Variants in SLCO3A1 observed in about 807,000 individuals in gnomAD.
SLCO3A1 encodes the protein PGE1 transporter.
In SLCO3A1, 27 loss-of-function variants were observed where a neutral mutation model predicts 63.1. The ratio of observed to expected loss-of-function variants is 0.43; its 90% CI spans 0.32 to 0.59. SLCO3A1 has a LOEUF of 0.59. Ranked by LOEUF, SLCO3A1 falls within the 20% of genes least tolerant of loss-of-function variation. SLCO3A1 has a pLI of 0.09. For synonymous variants in SLCO3A1, 473 were observed against 409.9 expected (o/e 1.15, Z -1.86); for missense variants, 773 against 945.8 (o/e 0.82, Z 2.40).
At chr15:92,147,365 G>A (rs1463200362) in intron 8 of SLCO3A1, among the ~76,000 whole-genome samples, 2 of 152,076 alleles carry the variant, frequency 1.3e-5, no homozygotes, top group Non-Finnish European at 2.9e-5. Flanking sequence ...GGGCATGGGG[G>A]AGAAGACAGC....
chr15:92,095,579 C>A (rs1381772503), intron 3 of SLCO3A1, among the ~76,000 whole-genome samples: 1 of 152,216 alleles, frequency 6.6e-6, no homozygotes, highest in Non-Finnish European at 1.5e-5. Flanking sequence ...CTGAGTTCCC[C>A]AATCCATGAT....
intron 7 of SLCO3A1, among the ~76,000 whole-genome samples, chr15:92,130,518 CCAA>C (rs1452606792): frequency 6.6e-6 from 1 of 152,178 alleles, no homozygotes; most frequent in Non-Finnish European, 1.5e-5. Flanking sequence ...GCCCTGGCTT[CCAA>C]CAAGTGGATG....
At chr15:92,138,271 G>A (rs2151578262) in intron 7 of SLCO3A1, among the ~76,000 whole-genome samples, 1 of 91,230 alleles carries the variant, frequency 1.1e-5, no homozygotes. Context: ...GTTTGTCAAA[G>A]ATCAGATAGT....
intron 2 of SLCO3A1, among the ~76,000 whole-genome samples, chr15:92,022,607 A>C (rs1257487709): frequency 6.6e-6 from 1 of 152,238 alleles, no homozygotes; most frequent in Non-Finnish European, 1.5e-5. Flanking sequence ...TTCACCCATC[A>C]GCTGTTTACT....
chr15:91,884,530 A>T (rs1048595252), intron 1 of SLCO3A1, among the ~76,000 whole-genome samples: 4 of 149,504 alleles, frequency 2.7e-5, no homozygotes, highest in African/African-American at 9.8e-5. Context: ...AAAAAAAAAA[A>T]GGTGGAGGGG....
At chr15:92,000,576 C>T (rs1279390124) in intron 2 of SLCO3A1, among the ~76,000 whole-genome samples, 1 of 151,988 alleles carries the variant, frequency 6.6e-6, no homozygotes, top group Non-Finnish European at 1.5e-5. Context: ...GACCTAAAGG[C>T]AATGTCACAG....
rs1457733435 is a variant in SLCO3A1, at chr15:91,862,039, G to T, written c.180+7951G>T. Among the ~76,000 whole-genome samples the T allele has an allele frequency of 6.6e-6, 1 of 152,110 alleles. No homozygotes were observed. The highest frequency in any genetic ancestry group is 2.4e-5 in the African/African-American group (1 of 41,398). ...CATGATTTCCTTTATAAATACCCCT[G>T]CCATGACTTTTCAGTACTCTCCTTT... On this transcript the variant is annotated intron_variant, in intron 1 of 9. Transcript: ENST00000318445. This position sits in a 1 kb window ranked among gnomAD's most constrained non-coding sequence, Gnocchi z 4.0.
chr15:92,171,921 CG>C lies in SLCO3A1; in HGVS notation c.*62del, dbSNP rs2048523906. 1.1e-5 allele frequency: 15 copies of C among 1,321,568 alleles called. No individual in the cohort carries two copies. The Admixed American group carries it at 2.6e-4, about 23-fold the overall frequency. 81.9% of individuals were successfully genotyped at this position (1,321,568 alleles called of 1,614,324 possible). On this transcript the variant is annotated 3_prime_UTR_variant, in exon 11 of 11. Transcript: ENST00000424469. ...AGCCCACCACCACCCACAGACCTCG[CG>C]GGCCTCACTTAGCGCGCTCCTCCCT...
At position 92,142,024 on chromosome 15, in the gene SLCO3A1, A is replaced by G. The variant is rs552157445; in HGVS notation, c.1513-4960A>G. On this transcript the variant is annotated intron_variant, in intron 7 of 9. Coordinates refer to ENST00000318445, the MANE Select transcript of SLCO3A1 (RefSeq NM_013272.4). ...AGGAAACCCATCCAAGTCCTTGCAC[A>G]GATCACTCTGGCATCTCCTACCCAG... Among the ~76,000 whole-genome samples the G allele has an allele frequency of 2.0e-5, 3 of 152,204 alleles. No homozygotes were observed. The South Asian group carries it at 6.2e-4, about 32-fold the overall frequency.
intron 2 of SLCO3A1, among the ~76,000 whole-genome samples, chr15:91,930,955 T>A (rs1899204858): frequency 6.6e-6 from 1 of 152,224 alleles, no homozygotes. Context: ...CACAGCAAAG[T>A]GTACCAGCGA....
intron 8 of SLCO3A1, among the ~76,000 whole-genome samples, chr15:92,150,347 G>A (rs960733495): frequency 1.3e-5 from 2 of 152,078 alleles, no homozygotes; most frequent in Non-Finnish European, 2.9e-5. Context: ...ATCTCCTGTG[G>A]CAACACCCTC....
Position 91,853,907 on chromosome 15 carries a change from G to A in SLCO3A1, c.-2G>A, listed in dbSNP as rs1896842130. ...GGCGGCGGCGGCGGCGGCGGGGGAA[G>A]GATGCAGGGGAAGAAGCCGGGCGGT... On this transcript the variant is annotated 5_prime_UTR_variant, in exon 1 of 10. Coordinates refer to ENST00000318445, the MANE Select transcript of SLCO3A1 (RefSeq NM_013272.4). 3 of 1,396,720 alleles carry A rather than the reference G, an allele frequency of 2.1e-6. No individual in the cohort carries two copies. The highest frequency in any genetic ancestry group is 1.9e-6 in the Non-Finnish European group (2 of 1,065,056). The allele number at this position is 1,396,720 out of a possible 1,614,324, so 86.5% of individuals were successfully genotyped here.
chr15:91,999,757 C>T (rs2046231497), intron 2 of SLCO3A1, among the ~76,000 whole-genome samples: 1 of 152,216 alleles, frequency 6.6e-6, no homozygotes, highest in Non-Finnish European at 1.5e-5. Context: ...CTCCACTGCA[C>T]TCTAGCTGGG....
chr15:92,157,735 A>G (rs2048389901), intron 9 of SLCO3A1, among the ~76,000 whole-genome samples: 1 of 152,154 alleles, frequency 6.6e-6, no homozygotes, highest in Non-Finnish European at 1.5e-5. Context: ...CATTTACCCA[A>G]AAGAGTTCCT....
Position 92,123,853 on chromosome 15 carries a change from A to G in SLCO3A1, c.1175-2208A>G, listed in dbSNP as rs115597723. On this transcript the variant is annotated intron_variant, in intron 5 of 9. Coordinates refer to ENST00000318445, the MANE Select transcript of SLCO3A1 (RefSeq NM_013272.4). ...ATCGACAAACAAATCAATAGTCTTC[A>G]GGGCAGAAGGTCAAAAAAACAATTC... 2.6e-4 allele frequency among the ~76,000 whole-genome samples: 40 copies of G among 152,344 alleles called. 1 individual carries two copies. Among genetic ancestry groups the G allele is most frequent in the African/African-American group, 8.9e-4 (37 of 41,590 alleles).
In SLCO3A1 at chr15:92,132,387, C is replaced by A. The variant is rs539483597; in HGVS notation, c.1512+3898C>A. 6.3e-5 allele frequency among the ~76,000 whole-genome samples: 9 copies of A among 142,622 alleles called. 1 individual carries two copies. Among genetic ancestry groups the A allele is most frequent in the African/African-American group, 2.0e-4 (8 of 39,446 alleles). 93.6% of individuals were successfully genotyped at this position (142,622 alleles called of 152,430 possible). A position where few individuals can be genotyped will look rare whatever the true frequency, so the allele number is the denominator to read the frequency against. ...CCTTGAGTGATAGCAATGGAAGTTT[C>A]CAGGCCTGCATTTAATGTACGACTT... On this transcript the variant is annotated intron_variant, in intron 7 of 9. Coordinates refer to ENST00000318445, the MANE Select transcript of SLCO3A1 (RefSeq NM_013272.4).
intron 10 of SLCO3A1, chr15:92,171,763 C>A: frequency 6.5e-7 from 1 of 1,535,744 alleles, no homozygotes; most frequent in Non-Finnish European, 8.8e-7. Context: ...GGCTCTTCTT[C>A]CCTCCTCCCC....
intron 2 of SLCO3A1, among the ~76,000 whole-genome samples, chr15:91,926,653 C>A (rs1342205962): frequency 6.7e-6 from 1 of 148,366 alleles, no homozygotes; most frequent in Admixed American, 6.7e-5. Flanking sequence ...TATGAAGATA[C>A]CAAAGCCTTG....
chr15:91,937,825 CA>C (rs1375157267), intron 2 of SLCO3A1, among the ~76,000 whole-genome samples: 2 of 151,896 alleles, frequency 1.3e-5, no homozygotes, highest in Non-Finnish European at 2.9e-5. Context: ...TAATTTGAGA[CA>C]ATGAGAACAG....
Sources: allele counts gnomAD v4.1 joint callset (sites outside exome capture counted in the v4.1 genomes callset), GRCh38; gene constraint gnomAD v4.1.1; non-coding constraint Gnocchi (gnomAD v3.1); transcripts MANE v1.5; gene names NCBI Gene and HGNC (gene_info 2026-07-23, HGNC 2026-07-21).